The following NEGR1 variants were observed in gnomAD, a reference collection of about 807,000 sequenced individuals.
The protein encoded by NEGR1 is neuronal growth regulator 1.
NEGR1 carries 10 observed loss-of-function variants against 40.9 expected under a neutral mutation model. The observed-to-expected ratio is 0.24, with a 90% CI of 0.15 to 0.42. The LOEUF (loss-of-function observed/expected upper bound fraction) is 0.42. NEGR1 is among the 10% of genes least tolerant of loss of function. NEGR1 has a pLI of 1.00. For synonymous variants in NEGR1, 185 were observed against 166.8 expected (o/e 1.11, Z -0.84); for missense variants, 352 against 438.9 (o/e 0.80, Z 1.77).
At chr1:72,121,567 A>C (rs1649806666) in intron 1 of NEGR1, among the ~76,000 whole-genome samples, 1 of 152,028 alleles carries the variant, frequency 6.6e-6, no homozygotes, top group Non-Finnish European at 1.5e-5. Context: ...ACATGTCAGC[A>C]GACAAAGTAG....
At chr1:71,635,478 A>G (rs1306354696) in intron 4 of NEGR1, among the ~76,000 whole-genome samples, 1 of 152,102 alleles carries the variant, frequency 6.6e-6, no homozygotes, top group Non-Finnish European at 1.5e-5. Flanking sequence ...TAGAGATGCA[A>G]GATGAGAAGG....
At chr1:71,409,126 G>C (rs1308894498) in intron 6 of NEGR1, 5 of 151,888 alleles carry the variant, frequency 3.3e-5, no homozygotes, top group Non-Finnish European at 5.9e-5. Flanking sequence ...AAAAGACAAA[G>C]AAAGTAAGTC....
At chr1:72,072,246 G>A (rs1474646523) in intron 1 of NEGR1, among the ~76,000 whole-genome samples, 1 of 151,840 alleles carries the variant, frequency 6.6e-6, no homozygotes, top group Non-Finnish European at 1.5e-5. Context: ...TTAAAATACT[G>A]TGCTGTAAGG....
At chr1:71,559,511 G>A (rs1436370448) in intron 6 of NEGR1, among the ~76,000 whole-genome samples, 1 of 151,448 alleles carries the variant, frequency 6.6e-6, no homozygotes, top group African/African-American at 2.4e-5. Context: ...ATAGAATAAC[G>A]TTCTCTTTTT....
At chr1:71,964,661 C>T (rs1646195857) in intron 1 of NEGR1, among the ~76,000 whole-genome samples, 1 of 151,998 alleles carries the variant, frequency 6.6e-6, no homozygotes, top group Admixed American at 6.6e-5. Flanking sequence ...CCCAGAGTAT[C>T]CATGAACAAA....
At chr1:71,705,968 T>A (rs372638118) in intron 3 of NEGR1, among the ~76,000 whole-genome samples, 3 of 152,002 alleles carry the variant, frequency 2.0e-5, no homozygotes, top group African/African-American at 7.2e-5. Context: ...GACATCAAGT[T>A]AATAACTATC....
At chr1:71,812,324 C>A (rs1570380646) in intron 2 of NEGR1, among the ~76,000 whole-genome samples, 2 of 151,940 alleles carry the variant, frequency 1.3e-5, no homozygotes, top group African/African-American at 4.8e-5. Flanking sequence ...TGATTCCATG[C>A]CTTTGCTATT....
intron 1 of NEGR1, among the ~76,000 whole-genome samples, chr1:72,224,398 G>A (rs1045291264): frequency 6.6e-6 from 1 of 151,876 alleles, no homozygotes; most frequent in Non-Finnish European, 1.5e-5. Flanking sequence ...TAAAAATGGG[G>A]TTAGGAAAAT....
chr1:71,962,723 C>A (rs1646175789), intron 1 of NEGR1, among the ~76,000 whole-genome samples: 1 of 150,984 alleles, frequency 6.6e-6, no homozygotes, highest in Non-Finnish European at 1.5e-5. Context: ...AAAAAATACA[C>A]TGTTCAAAAA....
At chr1:72,224,751 C>G (rs1266586871) in intron 1 of NEGR1, among the ~76,000 whole-genome samples, 1 of 151,820 alleles carries the variant, frequency 6.6e-6, no homozygotes. Context: ...TGGAGTAAAA[C>G]TGAGAAACTC....
At chr1:72,143,738 T>C (rs1275978821) in intron 1 of NEGR1, among the ~76,000 whole-genome samples, 3 of 149,908 alleles carry the variant, frequency 2.0e-5, no homozygotes, top group African/African-American at 7.3e-5. Flanking sequence ...AATTATTAAA[T>C]AGAAAAATTT....
chr1:71,911,649 A>C (rs1570492488), intron 2 of NEGR1, among the ~76,000 whole-genome samples: 1 of 152,296 alleles, frequency 6.6e-6, no homozygotes, highest in South Asian at 2.1e-4. Flanking sequence ...TTAGCAGCAA[A>C]GCTGGAATTA....
At position 71,541,788 on chromosome 1, in the gene NEGR1, C is replaced by T. The variant is rs142237832; in HGVS notation, c.940+51029G>A. On this transcript the variant is annotated intron_variant, in intron 6 of 6. Coordinates refer to ENST00000357731, the MANE Select transcript of NEGR1 (RefSeq NM_173808.3). ...CCAGGCCTGCCAAAGAGCAGCTGTA[C>T]TATTGGCTCAGTTAAGAAAAAATAC... is the stretch of plus-strand genomic sequence containing the variant. Among the ~76,000 whole-genome samples, 92 of 151,876 alleles carry T rather than the reference C, an allele frequency of 6.1e-4. 1 individual carries two copies. The highest frequency in any genetic ancestry group is 6.8e-3 in the Middle Eastern group (2 of 294).
At chr1:72,222,698 T>C (rs983013537) in intron 1 of NEGR1, among the ~76,000 whole-genome samples, 1 of 152,122 alleles carries the variant, frequency 6.6e-6, no homozygotes, top group East Asian at 1.9e-4. Context: ...GCTGAGATAA[T>C]CCTACGTGAC....
intron 4 of NEGR1, among the ~76,000 whole-genome samples, chr1:71,685,216 C>T (rs370321950): frequency 1.3e-5 from 2 of 151,672 alleles, no homozygotes; most frequent in Non-Finnish European, 2.9e-5. Context: ...AGTAAAAAGA[C>T]TTCTGTTTAT....
chr1:71,556,310 G>T (rs931216972), intron 6 of NEGR1, among the ~76,000 whole-genome samples: 1 of 151,322 alleles, frequency 6.6e-6, no homozygotes. Flanking sequence ...TAAAACAATT[G>T]GTTCATTAGC....
chr1:72,191,829 G>C (rs940746060), intron 1 of NEGR1, among the ~76,000 whole-genome samples: 3 of 151,726 alleles, frequency 2.0e-5, no homozygotes, highest in Non-Finnish European at 4.4e-5. Context: ...TGGGGTAGAG[G>C]GAAACAGGGT....
intron 1 of NEGR1, among the ~76,000 whole-genome samples, chr1:72,063,487 A>G (rs991674104): frequency 3.3e-5 from 5 of 151,870 alleles, no homozygotes; most frequent in Admixed American, 2.0e-4. Flanking sequence ...TAACGGCAAA[A>G]ACAGCAATTA....
chr1:71,824,225 G>T (rs1314143799), intron 2 of NEGR1, among the ~76,000 whole-genome samples: 1 of 151,842 alleles, frequency 6.6e-6, no homozygotes, highest in Admixed American at 6.6e-5. Context: ...TTCAGAATAG[G>T]GCAAAACCTA....
Sources: allele counts gnomAD v4.1 joint callset (sites outside exome capture counted in the v4.1 genomes callset), GRCh38; gene constraint gnomAD v4.1.1; transcripts MANE v1.5; gene names NCBI Gene and HGNC (gene_info 2026-07-23, HGNC 2026-07-21).